Variants in ZFHX3 observed in about 807,000 individuals in gnomAD.
The protein encoded by ZFHX3 is zinc finger homeobox 3.
Under a neutral mutation model 279.1 loss-of-function variants are expected in ZFHX3, and 42 were observed. That is an observed-to-expected ratio of 0.15 (90% confidence interval 0.12 to 0.19). ZFHX3 has a LOEUF of 0.19. Among genes scored for constraint, ZFHX3 ranks in the 10% least tolerant of loss-of-function variants. The pLI, the probability that ZFHX3 is intolerant of heterozygous loss-of-function variation, is 1.00. For synonymous variants in ZFHX3, 2,293 were observed against 1,957.8 expected (o/e 1.17, Z -4.52); for missense variants, 4,981 against 4,754.0 (o/e 1.05, Z -1.40).
Position 72,897,954 on chromosome 16 carries a change from C to T in ZFHX3, c.3217-7992G>A, listed in dbSNP as rs544562787. On this transcript the variant is annotated intron_variant, in intron 3 of 9. Coordinates refer to ENST00000268489, the MANE Select transcript of ZFHX3 (RefSeq NM_006885.4). The stretch of plus-strand genomic sequence containing the variant: ...GCACAGACTGCAGGGGGTTCTGGAA[C>T]ATGAGACTCTGCAGACCCAGGTGTT... Among the ~76,000 whole-genome samples, 53 of 152,284 alleles carry T rather than the reference C, an allele frequency of 3.5e-4. 1 individual carries two copies. The highest frequency in any genetic ancestry group is 6.0e-4 in the Non-Finnish European group (41 of 68,028).
chr16:73,759,880 GAAA>G (rs5817876), intron 1 of ZFHX3, among the ~76,000 whole-genome samples: 3 of 145,946 alleles, frequency 2.1e-5, no homozygotes, highest in Non-Finnish European at 1.5e-5. Flanking sequence ...GGTCTTACAG[GAAA>G]AAAAAAAAAA....
intron 2 of ZFHX3, among the ~76,000 whole-genome samples, chr16:73,631,927 TCACACA>T (rs60955432): frequency 1.6e-3 from 219 of 136,806 alleles, no homozygotes; most frequent in Admixed American, 3.7e-3. Flanking sequence ...TCTCTCTCTC[TCACACA>T]CACACACACA....
At chr16:73,206,746 G>T (rs531767792) in intron 5 of ZFHX3, among the ~76,000 whole-genome samples, 1 of 152,116 alleles carries the variant, frequency 6.6e-6, no homozygotes, top group Non-Finnish European at 1.5e-5. Flanking sequence ...GGCCGGGCAT[G>T]GTGGCTCATG....
intron 4 of ZFHX3, among the ~76,000 whole-genome samples, chr16:72,835,658 G>C (rs2037174301): frequency 6.6e-6 from 1 of 152,078 alleles, no homozygotes; most frequent in South Asian, 2.1e-4. Flanking sequence ...CTGACACGGA[G>C]GATGGCAGCT....
intron 2 of ZFHX3, among the ~76,000 whole-genome samples, chr16:73,653,338 C>G (rs1295722892): frequency 6.6e-6 from 1 of 152,102 alleles, no homozygotes. Flanking sequence ...ATATGATGAT[C>G]CATAAAGCAA....
chr16:73,475,250 T>C (rs1363576127), intron 2 of ZFHX3, among the ~76,000 whole-genome samples: 1 of 152,232 alleles, frequency 6.6e-6, no homozygotes, highest in Non-Finnish European at 1.5e-5. Flanking sequence ...GACTTTACGA[T>C]ATTCGTGGAC....
At chr16:73,747,305 G>A (rs2053713289) in intron 1 of ZFHX3, among the ~76,000 whole-genome samples, 1 of 152,246 alleles carries the variant, frequency 6.6e-6, no homozygotes, top group East Asian at 1.9e-4. Flanking sequence ...GATTGCTTGA[G>A]CCTGGGAGGT....
chr16:73,862,293 G>T (rs1422352326), intron 1 of ZFHX3, among the ~76,000 whole-genome samples: 1 of 152,192 alleles, frequency 6.6e-6, no homozygotes, highest in Non-Finnish European at 1.5e-5. Flanking sequence ...CCTTTAATAA[G>T]TCCCCTTTGG....
At chr16:73,252,707 G>C (rs969833890) in intron 5 of ZFHX3, among the ~76,000 whole-genome samples, 2 of 152,158 alleles carry the variant, frequency 1.3e-5, no homozygotes, top group African/African-American at 4.8e-5. Flanking sequence ...CGGTCACATG[G>C]ACTGACGATG....
intron 2 of ZFHX3, among the ~76,000 whole-genome samples, chr16:73,630,251 C>A (rs537495147): frequency 4.1e-5 from 6 of 146,940 alleles, no homozygotes; most frequent in African/African-American, 1.2e-4. Context: ...TTAACTTCGC[C>A]TCCAAAAAGG....
intron 3 of ZFHX3, among the ~76,000 whole-genome samples, chr16:72,937,424 G>C (rs573706844): frequency 1.3e-5 from 2 of 152,212 alleles, no homozygotes; most frequent in Non-Finnish European, 2.9e-5. Flanking sequence ...GGACACAGCC[G>C]ACAGAGTCAG....
At chr16:73,161,940 T>A (rs928518095) in intron 5 of ZFHX3, among the ~76,000 whole-genome samples, 22 of 152,186 alleles carry the variant, frequency 1.4e-4, no homozygotes, top group African/African-American at 4.3e-4. Flanking sequence ...TTGAAAGGTA[T>A]CATTTGAGAT....
intron 5 of ZFHX3, among the ~76,000 whole-genome samples, chr16:73,205,628 G>T (rs887810824): frequency 1.8e-4 from 28 of 152,270 alleles, no homozygotes; most frequent in African/African-American, 6.5e-4. Context: ...AAATGACCGC[G>T]TGTGGCTGTG....
At chr16:73,451,590 C>T (rs930410765) in intron 3 of ZFHX3, among the ~76,000 whole-genome samples, 4 of 152,136 alleles carry the variant, frequency 2.6e-5, no homozygotes, top group Admixed American at 1.3e-4. Flanking sequence ...GAACAATTAA[C>T]ATAGTTGATG....
intron 2 of ZFHX3, chr16:73,487,687 G>A (rs964870350): frequency 4.8e-6 from 1 of 209,172 alleles, no homozygotes; most frequent in Non-Finnish European, 9.9e-6. Flanking sequence ...TTACAGGCGT[G>A]AGCCACTGCG....
At chr16:73,819,474 C>G (rs1043072030) in intron 1 of ZFHX3, among the ~76,000 whole-genome samples, 1 of 151,976 alleles carries the variant, frequency 6.6e-6, no homozygotes, top group Non-Finnish European at 1.5e-5. Context: ...TTGTATCAGG[C>G]CTTTCCCACC....
intron 2 of ZFHX3, among the ~76,000 whole-genome samples, chr16:73,506,890 C>T (rs1044201836): frequency 4.6e-5 from 7 of 152,278 alleles, no homozygotes; most frequent in South Asian, 2.1e-4. Flanking sequence ...TGAACCAAAG[C>T]GATAATGCAT....
At chr16:72,907,481 C>G (rs2039205291) in intron 3 of ZFHX3, among the ~76,000 whole-genome samples, 1 of 151,848 alleles carries the variant, frequency 6.6e-6, no homozygotes, top group African/African-American at 2.4e-5. Flanking sequence ...CACTACTCCC[C>G]TGTACCACCC....
intron 2 of ZFHX3, among the ~76,000 whole-genome samples, chr16:73,657,325 T>C (rs1291002353): frequency 6.6e-6 from 1 of 152,086 alleles, no homozygotes; most frequent in Non-Finnish European, 1.5e-5. Context: ...GGCGTGGTGG[T>C]GCATGCCTGC....
Sources: gnomAD v4.1 joint callset for allele counts (sites outside exome capture counted in the v4.1 genomes callset) on GRCh38, gnomAD v4.1.1 for gene constraint, MANE v1.5 for transcripts, NCBI Gene and HGNC (gene_info 2026-07-23, HGNC 2026-07-21) for gene names.